The following AGAP3 variants were observed in gnomAD, a reference collection of about 807,000 sequenced individuals.
AGAP3 encodes the protein arf-GAP with GTPase, ANK repeat and PH domain-containing protein 3.
AGAP3 carries 24 observed loss-of-function variants against 96.9 expected under a neutral mutation model. The observed-to-expected ratio is 0.25, with a 90% CI of 0.18 to 0.35. AGAP3 has a LOEUF of 0.35. AGAP3 is among the 10% of genes least tolerant of loss of function. AGAP3 has a pLI of 1.00. For synonymous variants in AGAP3, 563 were observed against 536.1 expected (o/e 1.05, Z -0.69); for missense variants, 876 against 1,254.2 (o/e 0.70, Z 4.55).
intron 1 of AGAP3, among the ~76,000 whole-genome samples, chr7:151,104,588 G>A (rs1166762590): frequency 6.6e-6 from 1 of 152,230 alleles, no homozygotes; most frequent in African/African-American, 2.4e-5. Context: ...TCAGGGGCGT[G>A]CCCATCAGAA....
intron 1 of AGAP3, among the ~76,000 whole-genome samples, chr7:151,111,696 G>T (rs979776888): frequency 1.3e-5 from 2 of 152,220 alleles, no homozygotes; most frequent in East Asian, 3.9e-4. Context: ...ACAGAAGGGG[G>T]TCTTGAGCCC....
chr7:151,118,545 G>T lies in AGAP3; in HGVS notation c.882G>T (p.Leu294=), dbSNP rs765507429. 1 of 1,614,022 alleles carries T rather than the reference G, an allele frequency of 6.2e-7. No individual in the cohort carries two copies. Among genetic ancestry groups the T allele is most frequent in the Non-Finnish European group, 8.5e-7 (1 of 1,180,040 alleles). The change falls in exon 7 of 18, where the codon CTG becomes CTT. Residue 294 remains leucine, a synonymous_variant. Transcript: ENST00000397238. This position sits in a 1 kb window ranked among gnomAD's most constrained non-coding sequence, Gnocchi z 6.1. ...TGGCCTTGCGAAAGAAGCAGCAACT[G>T]GCCATCGGGCCCTGCAAGTCACTGC... ...KVVALRKKQQ[L]AIGPCKSLPN...
At chr7:151,105,731 C>T (rs1178866850) in intron 1 of AGAP3, among the ~76,000 whole-genome samples, 1 of 147,032 alleles carries the variant, frequency 6.8e-6, no homozygotes, top group African/African-American at 2.5e-5. Context: ...CTCGCCACTG[C>T]ACTCCGGCCT....
intron 11 of AGAP3, among the ~76,000 whole-genome samples, 156 bp downstream of exon 11, chr7:151,134,724 A>G (rs1800528459): frequency 6.6e-6 from 1 of 152,240 alleles, no homozygotes; most frequent in Admixed American, 6.5e-5. Flanking sequence ...GCCCTAACGC[A>G]GCCCTCGTGG....
Position 151,141,812 on chromosome 7 carries a change from G to C in AGAP3, c.1805-86G>C. 6.4e-7 allele frequency: 1 copy of C among 1,562,840 alleles called. No individual in the cohort carries two copies. Among genetic ancestry groups the C allele is most frequent in the Non-Finnish European group, 8.8e-7 (1 of 1,135,304 alleles). On this transcript the variant is annotated intron_variant, in intron 13 of 17. Coordinates refer to ENST00000397238, the MANE Select transcript of AGAP3 (RefSeq NM_031946.7). The surrounding 1 kb of genome is among the most constrained non-coding windows in gnomAD (Gnocchi z 4.2). ...GGGGAGGACACTTGCCAGTGGAGCA[G>C]GGTAGTGAGTGGAGTTGTGGCGATA...
rs189949084 is a variant in AGAP3 at position 151,096,889 on chromosome 7, G to A, written c.331+9817G>A. 3.7e-4 allele frequency among the ~76,000 whole-genome samples: 56 copies of A among 151,984 alleles called. 1 individual carries two copies. The highest frequency in any genetic ancestry group is 5.6e-4 in the Non-Finnish European group (38 of 67,978). ...TGCCTCCCGAGTTCAAGCAATTCTC[G>A]TGCCTCAGCCTCCCAAGGCACATGC... On this transcript the variant is annotated intron_variant, in intron 1 of 17. Coordinates refer to ENST00000397238, the MANE Select transcript of AGAP3 (RefSeq NM_031946.7). The surrounding 1 kb of genome is among the most constrained non-coding windows in gnomAD (Gnocchi z 4.4).
chr7:151,131,620 G>A (rs564743842), intron 10 of AGAP3, among the ~76,000 whole-genome samples: 22 of 152,322 alleles, frequency 1.4e-4, no homozygotes, highest in East Asian at 1.2e-3. Context: ...AGGGTTGCCC[G>A]GGCACGAGGG....
At chr7:151,111,586 A>C (rs1238706168) in intron 1 of AGAP3, among the ~76,000 whole-genome samples, 8 of 140,050 alleles carry the variant, frequency 5.7e-5, no homozygotes, top group African/African-American at 1.1e-4. Flanking sequence ...CCGGCCCCTC[A>C]CCCCCCTGTG....
chr7:151,111,141 G>A (rs1178612733), intron 1 of AGAP3, among the ~76,000 whole-genome samples: 3 of 152,194 alleles, frequency 2.0e-5, no homozygotes, highest in Non-Finnish European at 4.4e-5. Flanking sequence ...ACTGCCTCCC[G>A]GGCTCAGTGG....
intron 9 of AGAP3, among the ~76,000 whole-genome samples, chr7:151,126,018 C>T (rs1276904854): frequency 2.4e-5 from 3 of 122,478 alleles, no homozygotes; most frequent in African/African-American, 8.8e-5. Flanking sequence ...ACGGGCTAGG[C>T]GGGTTTCCTC....
intron 9 of AGAP3, among the ~76,000 whole-genome samples, chr7:151,126,266 C>G (rs1351363174): frequency 6.6e-6 from 1 of 151,722 alleles, no homozygotes; most frequent in Non-Finnish European, 1.5e-5. Flanking sequence ...GGTGCGGAGA[C>G]CCCTTCCCGC....
intron 1 of AGAP3, among the ~76,000 whole-genome samples, chr7:151,088,690 G>C (rs1585027416): frequency 1.3e-5 from 2 of 152,232 alleles, no homozygotes; most frequent in South Asian, 2.1e-4. Flanking sequence ...AGCAGGGAGA[G>C]GTTTCCGGGC....
In AGAP3 at chr7:151,142,385, C is replaced by A. The variant is rs780390203; in HGVS notation, c.2051-27C>A. ...CGCTCTGGTGGCCTGCCTGCTGTCG[C>A]TGTATCATTCTCCTCTCCTTGCCTA... On this transcript the variant is annotated intron_variant, in intron 15 of 17. Coordinates refer to ENST00000397238, the MANE Select transcript of AGAP3 (RefSeq NM_031946.7). The surrounding 1 kb of genome is among the most constrained non-coding windows in gnomAD (Gnocchi z 7.5). 1.9e-6 allele frequency: 3 copies of A among 1,606,514 alleles called. No homozygotes were observed. Among genetic ancestry groups the A allele is most frequent in the Non-Finnish European group, 2.6e-6 (3 of 1,174,118 alleles).
At chr7:151,135,826 A>C (rs10952303) in intron 11 of AGAP3, among the ~76,000 whole-genome samples, 19 of 152,128 alleles carry the variant, frequency 1.2e-4, no homozygotes, top group Admixed American at 1.2e-3. Flanking sequence ...GAGGCTTGGC[A>C]TAGCTAACAA....
intron 11 of AGAP3, chr7:151,137,657 C>T (rs1800654462): frequency 6.5e-6 from 1 of 154,120 alleles, no homozygotes; most frequent in African/African-American, 2.4e-5. Flanking sequence ...TTAATTTTCT[C>T]CAGCCCAACA....
intron 1 of AGAP3, among the ~76,000 whole-genome samples, chr7:151,109,273 G>T (rs1009630383): frequency 1.3e-5 from 2 of 152,236 alleles, no homozygotes; most frequent in Non-Finnish European, 2.9e-5. Flanking sequence ...CGAGGCAGGA[G>T]GATTGCTTGA....
At position 151,143,215 on chromosome 7, in the gene AGAP3, C is replaced by T; in HGVS notation, c.2274-126C>T. 2 of 1,204,496 alleles carry T rather than the reference C, an allele frequency of 1.7e-6. No homozygotes were observed. The highest frequency in any genetic ancestry group is 2.5e-5 in the Admixed American group (1 of 39,578). 74.6% of individuals were successfully genotyped at this position (1,204,496 alleles called of 1,614,324 possible). A position where few individuals can be genotyped will look rare whatever the true frequency, so the allele number is the denominator to read the frequency against. On this transcript the variant is annotated intron_variant, in intron 16 of 17. Transcript: ENST00000397238. This position sits in a 1 kb window ranked among gnomAD's most constrained non-coding sequence, Gnocchi z 5.9. ...TCTCTCCTTCCTTTTTGCTCCATCTCATCTTCTCTCACTGTTTCTTCCTTG... is the reference window on the plus strand; with the variant it reads ...TCTCTCCTTCCTTTTTGCTCCATCTTATCTTCTCTCACTGTTTCTTCCTTG...
In AGAP3 at chr7:151,133,736, A is replaced by G. The variant is rs1277506311; in HGVS notation, c.1327-664A>G. Among the ~76,000 whole-genome samples, 2 of 152,194 alleles carry G rather than the reference A, an allele frequency of 1.3e-5. No homozygotes were observed. Among genetic ancestry groups the G allele is most frequent in the Admixed American group, 1.3e-4 (2 of 15,290 alleles). On this transcript the variant is annotated intron_variant, in intron 10 of 17. Transcript: ENST00000397238. The surrounding 1 kb of genome is among the most constrained non-coding windows in gnomAD (Gnocchi z 5.4). ...GAAGATTACGCGAGGCTATACGTGG[A>G]ATGTATAAATACACTGCTGTAGGAT...
intron 1 of AGAP3, among the ~76,000 whole-genome samples, chr7:151,106,678 C>T (rs10085680): frequency 0.82 from 124,118 of 152,040 alleles, 51,259 homozygotes; most frequent in East Asian, 0.98. Flanking sequence ...AGTTTTGCCG[C>T]GTTGGCCAGG....
Sources: allele counts gnomAD v4.1 joint callset (sites outside exome capture counted in the v4.1 genomes callset), GRCh38; gene constraint gnomAD v4.1.1; non-coding constraint Gnocchi (gnomAD v3.1); transcripts MANE v1.5; gene names NCBI Gene and HGNC (gene_info 2026-07-23, HGNC 2026-07-21).